The following CDHR2 variants were observed in gnomAD, a reference collection of about 807,000 sequenced individuals.
CDHR2 encodes the protein cadherin related family member 2.
Under a neutral mutation model 138.6 loss-of-function variants are expected in CDHR2, and 104 were observed. The observed-to-expected ratio is 0.75, with a 90% CI of 0.64 to 0.88. The LOEUF (loss-of-function observed/expected upper bound fraction) is 0.88. Ranked by LOEUF, CDHR2 falls within the 40% of genes least tolerant of loss-of-function variation. CDHR2 has a pLI of 0.00. For synonymous variants in CDHR2, 755 were observed against 742.8 expected (o/e 1.02, Z -0.27); for missense variants, 1,624 against 1,727.6 (o/e 0.94, Z 1.06).
chr5:176,556,096 G>A (rs897499595), intron 1 of CDHR2, among the ~76,000 whole-genome samples: 1 of 152,172 alleles, frequency 6.6e-6, no homozygotes, highest in East Asian at 1.9e-4. Context: ...TGAACTCCTG[G>A]AATACACCTG....
Position 176,576,135 on chromosome 5 carries a change from C to T in CDHR2, c.1144C>T (p.Pro382Ser). 4 of 1,614,056 alleles carry T rather than the reference C, an allele frequency of 2.5e-6. No homozygotes were observed. The highest frequency in any genetic ancestry group is 3.4e-6 in the Non-Finnish European group (4 of 1,180,052). Residue 382 changes from proline to serine, a missense_variant, in exon 12 of 32, where the codon CCC becomes TCC. Physicochemically the swap from Pro to Ser is moderately conservative, Grantham distance 74. Coordinates refer to ENST00000261944, the MANE Select transcript of CDHR2 (RefSeq NM_017675.6). The surrounding 1 kb of genome is among the most constrained non-coding windows in gnomAD (Gnocchi z 4.5). ...FTGYVDEHAS[P>S]RIPIDDLTMV... ...TGGCTACGTGGACGAGCATGCCTCC[C>T]CCCGCATCCCCATCGATGACCTCAC...
In CDHR2 at chr5:176,571,254, C is replaced by T. The variant is rs1758222852; in HGVS notation, c.357C>T (p.Asp119=). 1 of 1,612,776 alleles carries T rather than the reference C, an allele frequency of 6.2e-7. No homozygotes were observed. Among genetic ancestry groups the T allele is most frequent in the East Asian group, 2.2e-5 (1 of 44,786 alleles). ...EMLVIVEDRN[D]NAPVFQNTAF... is the part of the protein sequence containing the mutation. ...TGGTGATTGTGGAAGATAGAAACGA[C>T]AACGCACCCGTTTTCCAGAACACCG... Residue 119 remains aspartate (D), a synonymous_variant, in exon 6 of 32, where the codon GAC becomes GAT. Transcript: ENST00000261944.
chr5:176,570,462 C>T (rs1023338226), intron 5 of CDHR2, among the ~76,000 whole-genome samples: 2 of 152,180 alleles, frequency 1.3e-5, no homozygotes, highest in Admixed American at 6.5e-5. Flanking sequence ...CCTCTTAACT[C>T]AGCCTCCAGC....
In CDHR2 at chr5:176,543,104, C is replaced by T. The variant is rs1757493303; in HGVS notation, c.-16+335C>T. Among the ~76,000 whole-genome samples the T allele has an allele frequency of 6.6e-6, 1 of 151,512 alleles. No homozygotes were observed. Among genetic ancestry groups the T allele is most frequent in the African/African-American group, 2.4e-5 (1 of 41,358 alleles). On this transcript the variant is annotated intron_variant, in intron 1 of 31. Coordinates refer to the CDHR2 transcript ENST00000510636. This position sits in a 1 kb window ranked among gnomAD's most constrained non-coding sequence, Gnocchi z 4.0. ...GAGCGGCGCAGCTCCCGCTGCCGGG[C>T]CCGGGACTGCGAGCTCCCGCCGTGC...
At chr5:176,567,769 A>G (rs1452057750) in intron 3 of CDHR2, among the ~76,000 whole-genome samples, 2 of 152,242 alleles carry the variant, frequency 1.3e-5, no homozygotes, top group Non-Finnish European at 2.9e-5. Flanking sequence ...CTGGGATTAC[A>G]GGCATGAGCC....
At position 176,553,055 on chromosome 5, in the gene CDHR2, G is replaced by C. The variant is rs1237202156; in HGVS notation, c.-16+3641G>C. On this transcript the variant is annotated intron_variant, in intron 1 of 31. Transcript: ENST00000261944. The surrounding 1 kb of genome is among the most constrained non-coding windows in gnomAD (Gnocchi z 4.3). Reference sequence around the variant, plus strand: ...ATCCTGCCCTGTGAGATGGGGAGGGGGGAGTTGGGAGACACTTCCATGAGG... The same window carrying C: ...ATCCTGCCCTGTGAGATGGGGAGGGCGGAGTTGGGAGACACTTCCATGAGG... Among the ~76,000 whole-genome samples the C allele has an allele frequency of 6.6e-6, 1 of 152,200 alleles. No individual in the cohort carries two copies. The highest frequency in any genetic ancestry group is 1.5e-5 in the Non-Finnish European group (1 of 68,034).
Position 176,571,218 on chromosome 5 carries a change from G to A in CDHR2, c.321G>A (p.Gln107=). 1 of 1,612,004 alleles carries A rather than the reference G, an allele frequency of 6.2e-7. No individual in the cohort carries two copies. Among genetic ancestry groups the A allele is most frequent in the Non-Finnish European group, 8.5e-7 (1 of 1,178,634 alleles). The change falls in exon 6 of 32, where the codon CAG becomes CAA. Residue 107 remains glutamine (Q), a synonymous_variant. Coordinates refer to ENST00000261944, the MANE Select transcript of CDHR2 (RefSeq NM_017675.6). ...CTGGGCTTTCTCACTTGCAGGTGCA[G>A]AGGGAGATGCTGGTGATTGTGGAAG... ...ISVSDPYIQV[Q]REMLVIVEDR...
In CDHR2 at chr5:176,581,478, G is replaced by C; in HGVS notation, c.1954G>C (p.Ala652Pro). 6.2e-7 allele frequency: 1 copy of C among 1,614,170 alleles called. No individual in the cohort carries two copies. Residue 652 changes from alanine to proline, a missense_variant, in exon 17 of 32, where the codon GCC (alanine) becomes CCC (proline). By Grantham distance (27) the Ala-to-Pro change is conservative. Transcript: ENST00000261944. ...LRNLGPLDRE[A>P]IDPALEGRIV... ...AAACCTGGGGCCCCTGGACAGAGAG[G>C]CCATCGACCCCGCCCTGGAGGGCCG... is the stretch of plus-strand genomic sequence containing the variant.
Position 176,590,111 on chromosome 5 carries a change from C to T in CDHR2, c.3240C>T (p.Tyr1080=). The change falls in exon 25 of 32, where the codon TAC becomes TAT. Residue 1080 remains tyrosine (Y), a synonymous_variant. Coordinates refer to ENST00000261944, the MANE Select transcript of CDHR2 (RefSeq NM_017675.6). The part of the protein sequence containing the change: ...ALTQATRTTV[Y]IVDIQDIDSA... The stretch of plus-strand genomic sequence containing the variant: ...CCCAGGCAACCAGGACTACAGTATA[C>T]ATTGTGGACATTCAGGACATAGATT... The T allele has an allele frequency of 9.9e-6, 16 of 1,613,860 alleles. No individual in the cohort carries two copies. The highest frequency in any genetic ancestry group is 1.4e-5 in the Non-Finnish European group (16 of 1,179,968).
At position 176,575,523 on chromosome 5, in the gene CDHR2, G is replaced by C. The variant is rs768475972; in HGVS notation, c.786G>C (p.Thr262=). ...CATTCCAGGGAACCTCGGTGCTGAC[G>C]GTGGAGGCTGTGGATGGCGACAAAG... The part of the protein sequence containing the change: ...EDAAKGTSVL[T]VEAVDGDKGI... Residue 262 remains threonine, a synonymous_variant, in exon 10 of 32, where the codon ACG becomes ACC. Coordinates refer to ENST00000261944, the MANE Select transcript of CDHR2 (RefSeq NM_017675.6). The C allele has an allele frequency of 1.4e-5, 23 of 1,614,040 alleles. 1 individual carries two copies. In the East Asian group the frequency reaches 5.1e-4, roughly 36 times the overall value.
chr5:176,561,038 T>C (rs1404816362), intron 1 of CDHR2, among the ~76,000 whole-genome samples: 1 of 152,130 alleles, frequency 6.6e-6, no homozygotes, highest in Non-Finnish European at 1.5e-5. Flanking sequence ...GGCAGAGTTC[T>C]CCGGAAGAGA....
upstream of CDHR2, among the ~76,000 whole-genome samples, chr5:176,545,041 A>C (rs1289821501): frequency 1.3e-5 from 2 of 152,180 alleles, no homozygotes; most frequent in Non-Finnish European, 1.5e-5. Context: ...CTTGATTTCA[A>C]CTTGATAAAT....
At chr5:176,591,067 T>G (rs1581151527) in intron 28 of CDHR2, 143 bp from the exon 29 acceptor site, 4 of 637,918 alleles carry the variant, frequency 6.3e-6, no homozygotes, top group Non-Finnish European at 1.1e-5. Flanking sequence ...ATCACTTGCC[T>G]TCTCTGGCTC....
intron 31 of CDHR2, among the ~76,000 whole-genome samples, chr5:176,593,193 G>T (rs1758930197): frequency 6.6e-6 from 1 of 152,222 alleles, no homozygotes; most frequent in Admixed American, 6.5e-5. Context: ...TCTAGCAAAG[G>T]AGAGAAGATG....
upstream of CDHR2, among the ~76,000 whole-genome samples, chr5:176,544,370 CTTT>C (rs1366878303): frequency 1.6e-3 from 23 of 14,374 alleles, no homozygotes; most frequent in South Asian, 0.018. Flanking sequence ...TTCTTTCTTT[CTTT>C]CCTTTTTTTC....
At chr5:176,567,171 A>AT in intron 3 of CDHR2, 1 of 216,124 alleles carries the variant, frequency 4.6e-6, no homozygotes, top group Admixed American at 7.8e-5. Flanking sequence ...AGTGCACAGG[A>AT]CTTTTTTTTT....
intron 19 of CDHR2, 27 bp from the exon 20 acceptor site, chr5:176,585,927 C>G (rs772518374): frequency 4.4e-6 from 7 of 1,594,510 alleles, no homozygotes; most frequent in Non-Finnish European, 6.0e-6. Flanking sequence ...TTGCCCAGAG[C>G]CAAAGCCAGC....
chr5:176,578,048 C>T lies in CDHR2; in HGVS notation c.1527C>T (p.Asp509=), dbSNP rs892229007. 35 of 1,612,316 alleles carry T rather than the reference C, an allele frequency of 2.2e-5. No homozygotes were observed. Among genetic ancestry groups the T allele is most frequent in the Admixed American group, 8.3e-5 (5 of 59,916 alleles). ...VTDSIHATDP[D]TGAWGQITYS... is the part of the protein sequence containing the mutation. ...CTGCCTCACAGGCCACGGACCCAGACACGGGCGCGTGGGGCCAAATTACCT... is the reference window on the plus strand; with the variant it reads ...CTGCCTCACAGGCCACGGACCCAGATACGGGCGCGTGGGGCCAAATTACCT... The change falls in exon 15 of 32, where the codon GAC becomes GAT. Residue 509 remains aspartate, a synonymous_variant. Transcript: ENST00000261944.
intron 6 of CDHR2, among the ~76,000 whole-genome samples, chr5:176,571,522 C>CA (rs137966232): frequency 0.018 from 2,574 of 141,280 alleles, 47 homozygotes; most frequent in African/African-American, 0.054. Context: ...GTGATGAAAG[C>CA]AAAAAAAAAA....
Sources: gnomAD v4.1 joint callset for allele counts (sites outside exome capture counted in the v4.1 genomes callset) on GRCh38, gnomAD v4.1.1 for gene constraint, Gnocchi (gnomAD v3.1) non-coding constraint, MANE v1.5 for transcripts, NCBI Gene and HGNC (gene_info 2026-07-23, HGNC 2026-07-21) for gene names.